Variants in OBSL1 observed in about 807,000 individuals in gnomAD.
The protein encoded by OBSL1 is obscurin like cytoskeletal adaptor 1.
OBSL1 carries 160 observed loss-of-function variants against 172.0 expected under a neutral mutation model. The observed-to-expected ratio is 0.93, with a 90% CI of 0.82 to 1.06. The LOEUF (loss-of-function observed/expected upper bound fraction) is 1.06. Among genes scored for constraint, OBSL1 ranks in the 50% least tolerant of loss-of-function variants. The probability of loss-of-function intolerance (pLI) is 0.00; values close to 1 mark genes in which losing one functional copy is unlikely to be tolerated. For missense variants in OBSL1, 2,681 were observed against 2,715.4 expected (o/e 0.99, Z 0.28); for synonymous variants, 1,200 against 1,196.3 (o/e 1.00, Z -0.06).
chr2:219,552,171 G>A lies in OBSL1; in HGVS notation c.5354C>T (p.Ala1785Val), dbSNP rs761373774. The change falls in exon 19 of 21, where the codon GCC (alanine) becomes GTC (valine). Residue 1785 changes from alanine (A) to valine (V), a missense_variant. Ala to Val is a moderately conservative substitution (Grantham distance 64, BLOSUM62 0). This residue lies in a region of OBSL1 where 1,765 missense variants were observed against 1,748.3 expected (regional missense o/e 1.01). Coordinates refer to ENST00000404537, the MANE Select transcript of OBSL1 (RefSeq NM_015311.3). Reference protein sequence around the residue: ...LVLSELRAEDAGEVRFQAGPA... With the variant: ...LVLSELRAEDVGEVRFQAGPA... Reference sequence around the variant, plus strand: ...CCCCGCCTGGAAGCGGACTTCACCGGCGTCCTCGGCGCGCAGCTCGCTAAG... The same window carrying A: ...CCCCGCCTGGAAGCGGACTTCACCGACGTCCTCGGCGCGCAGCTCGCTAAG... 1.9e-6 allele frequency: 3 copies of A among 1,611,338 alleles called. No homozygotes were observed. The South Asian group carries it at 3.3e-5, about 18-fold the overall frequency.
chr2:219,571,269 GGGGCAGGGGGGGGTGCGGA>G lies in OBSL1; in HGVS notation c.-56_-38del. The G allele has an allele frequency of 8.5e-7, 1 of 1,170,286 alleles. No individual in the cohort carries two copies. 72.5% of individuals were successfully genotyped at this position (1,170,286 alleles called of 1,614,324 possible). Reference sequence around the variant, plus strand: ...ACCGCCTGCAGCGGCGAACGGTGGGGGGGCAGGGGGGGGTGCGGAGGGCGAGCCGAGGCCCGGGGCGGCG... The same window carrying G: ...ACCGCCTGCAGCGGCGAACGGTGGGGGGGCGAGCCGAGGCCCGGGGCGGCG... On this transcript the variant is annotated 5_prime_UTR_variant, in exon 1 of 21. Coordinates refer to ENST00000404537, the MANE Select transcript of OBSL1 (RefSeq NM_015311.3).
At chr2:219,549,848 G>A (rs1259187450), downstream of OBSL1, 4 of 1,613,918 alleles carry the variant, frequency 2.5e-6, no homozygotes, top group South Asian at 1.1e-5. Flanking sequence ...CCCCAGTGCG[G>A]GTATAGCCAT....
intron 8 of OBSL1, chr2:219,561,934 G>T: frequency 2.8e-6 from 2 of 717,510 alleles, no homozygotes; most frequent in East Asian, 2.7e-5. Flanking sequence ...GACCAGAGCC[G>T]CCGGGTCTTC....
At position 219,558,386 on chromosome 2, in the gene OBSL1, C is replaced by G. The variant is rs776494765; in HGVS notation, c.3300G>C (p.Glu1100Asp). 6.2e-7 allele frequency: 1 copy of G among 1,609,022 alleles called. No homozygotes were observed. The change falls in exon 10 of 21, where the codon GAG (glutamate) becomes GAC (aspartate). Residue 1100 changes from glutamate (E) to aspartate (D), a missense_variant. Coordinates refer to ENST00000404537, the MANE Select transcript of OBSL1 (RefSeq NM_015311.3). ...DLHFGAPGRV[E>D]LRCEVAPAGS... ...CAGCTGGGGCCACCTCACAGCGCAGCTCCACGCGCCCTGGAGCCCCAAAAT... is the reference window on the plus strand; with the variant it reads ...CAGCTGGGGCCACCTCACAGCGCAGGTCCACGCGCCCTGGAGCCCCAAAAT...
Position 219,558,274 on chromosome 2 carries a change from G to A in OBSL1, c.3412C>T (p.Leu1138=), listed in dbSNP as rs1487631867. ...QLGAEGPTRT[L]TLPHAQPEDA... is the part of the protein sequence containing the mutation. Reference sequence around the variant, plus strand: ...TCAGGCTGGGCGTGGGGCAGGGTCAGGGTGCGGGTGGGCCCCTCGGCACCC... The same window carrying A: ...TCAGGCTGGGCGTGGGGCAGGGTCAAGGTGCGGGTGGGCCCCTCGGCACCC... The change falls in exon 10 of 21, where the codon CTG becomes TTG. Residue 1138 remains leucine (L), a synonymous_variant. Transcript: ENST00000404537. 1 of 1,611,250 alleles carries A rather than the reference G, an allele frequency of 6.2e-7. No individual in the cohort carries two copies. Among genetic ancestry groups the A allele is most frequent in the South Asian group, 1.1e-5 (1 of 90,522 alleles).
chr2:219,568,616 T>C lies in OBSL1; in HGVS notation c.1013-292A>G, dbSNP rs909261302. ...AGGGAGAGAAGGGGTTGGACCAGAT[T>C]GATGATTTCCAAACTGTTCCCTGGG... On this transcript the variant is annotated intron_variant, in intron 1 of 20. Transcript: ENST00000404537. This position sits in a 1 kb window ranked among gnomAD's most constrained non-coding sequence, Gnocchi z 4.1. Among the ~76,000 whole-genome samples, 2 of 152,262 alleles carry C rather than the reference T, an allele frequency of 1.3e-5. No individual in the cohort carries two copies. The highest frequency in any genetic ancestry group is 2.9e-5 in the Non-Finnish European group (2 of 68,010).
rs768047870 is a variant in OBSL1, at chr2:219,556,301, G to C, written c.4337-9C>G. ...GAACAGCAGCTCTGTCTCTGGTGGG[G>C]AAGAAGGAGGCCATGGAGTCTGGTG... is the stretch of plus-strand genomic sequence containing the variant. On this transcript the variant is annotated splice_polypyrimidine_tract_variant and intron_variant, in intron 13 of 20. Transcript: ENST00000404537. 1 of 1,573,968 alleles carries C rather than the reference G, an allele frequency of 6.4e-7. No individual in the cohort carries two copies. The highest frequency in any genetic ancestry group is 1.2e-5 in the South Asian group (1 of 84,008).
In OBSL1 at chr2:219,560,447, T is replaced by C. The variant is rs146002122; in HGVS notation, c.2954-950A>G. 4.0e-3 allele frequency among the ~76,000 whole-genome samples: 602 copies of C among 152,268 alleles called. 14 individuals are homozygous for C. The East Asian group carries it at 0.073, about 18-fold the overall frequency. ...CTCTGCAGAAAGGGAACCATGTCAA[T>C]ATTAGAGGTGACCAGCGCATGGAGC... On this transcript the variant is annotated intron_variant, in intron 8 of 20. Transcript: ENST00000404537.
chr2:219,567,821 G>A lies in OBSL1; in HGVS notation c.1431C>T (p.Gly477=), dbSNP rs762540891. 2.4e-5 allele frequency: 39 copies of A among 1,613,836 alleles called. No homozygotes were observed. Among genetic ancestry groups the A allele is most frequent in the Non-Finnish European group, 3.1e-5 (37 of 1,179,890 alleles). Residue 477 remains glycine (G), a synonymous_variant, in exon 3 of 21, where the codon GGC becomes GGT. Transcript: ENST00000404537. The stretch of plus-strand genomic sequence containing the variant: ...CTGGAAGGACCAGGGCATGCATGTG[G>A]CCTGAGCTGCTCTGGCAGATGACCG... ...ELPVICQSSS[G]HMHALVLPGV...
intron 9 of OBSL1, 150 bp downstream of exon 9, chr2:219,559,074 GA>G (rs1574543714): frequency 2.8e-6 from 2 of 707,238 alleles, no homozygotes; most frequent in Non-Finnish European, 4.6e-6. Context: ...GTCCTGACCT[GA>G]TGTGGCTAAG....
Position 219,556,874 on chromosome 2 carries a change from G to A in OBSL1, c.4067-151C>T. ...TATCGACCACACCGATGGCCCAAAG[G>A]ACAAGATGCCAGCTCCCTGCCACTC... On this transcript the variant is annotated intron_variant, in intron 12 of 20. Transcript: ENST00000404537. 3 of 825,682 alleles carry A rather than the reference G, an allele frequency of 3.6e-6. No individual in the cohort carries two copies. In the South Asian group the frequency reaches 6.2e-5, roughly 17 times the overall value. 51.1% of individuals were successfully genotyped at this position (825,682 alleles called of 1,614,324 possible). A position where few individuals can be genotyped will look rare whatever the true frequency, so the allele number is the denominator to read the frequency against.
downstream of OBSL1, chr2:219,547,934 C>T (rs951980082): frequency 5.0e-6 from 8 of 1,594,904 alleles, no homozygotes; most frequent in Admixed American, 1.7e-5. Flanking sequence ...ACTGCTGGGG[C>T]GCTACGTGGT....
chr2:219,569,084 A>G (rs997146766), intron 1 of OBSL1: 1 of 151,614 alleles, frequency 6.6e-6, no homozygotes, highest in Admixed American at 6.6e-5. Context: ...TCAAAAAAAA[A>G]AAAAGAAAAG....
rs1381662042 is a variant in OBSL1, at chr2:219,551,544, G to A, written c.5668C>T (p.Arg1890Trp). The change falls in exon 20 of 21, where the codon CGG becomes TGG. Residue 1890 changes from arginine to tryptophan, a missense_variant. Coordinates refer to ENST00000404537, the MANE Select transcript of OBSL1 (RefSeq NM_015311.3). Reference sequence around the variant, plus strand: ...CTTTACTCACCCTCTACCAGCAGCCGTGTGTGGGTGCTGTCCTGGCCGGCC... The same window carrying A: ...CTTTACTCACCCTCTACCAGCAGCCATGTGTGGGTGCTGTCCTGGCCGGCC... The part of the protein sequence containing the change: ...CQAGQDSTHT[R>W]LLVEGN 1.3e-6 allele frequency: 2 copies of A among 1,595,050 alleles called. No homozygotes were observed. Among genetic ancestry groups the A allele is most frequent in the Non-Finnish European group, 1.7e-6 (2 of 1,171,068 alleles).
chr2:219,555,287 G>A (rs1173815819), intron 14 of OBSL1: 1 of 153,876 alleles, frequency 6.5e-6, no homozygotes, highest in Non-Finnish European at 1.4e-5. Context: ...AGAGACACTT[G>A]AGACGGGGAT....
downstream of OBSL1, chr2:219,549,021 G>A: frequency 1.1e-6 from 1 of 930,860 alleles, no homozygotes; most frequent in Non-Finnish European, 1.7e-6. Flanking sequence ...GGAAGTGACA[G>A]GGTGGGAGTA....
chr2:219,556,927 C>T (rs1264937251), intron 12 of OBSL1: 5 of 565,612 alleles, frequency 8.8e-6, no homozygotes, highest in Non-Finnish European at 1.5e-5. Flanking sequence ...ATAATCCTAG[C>T]CTAGCACCCC....
At chr2:219,549,846 C>A (rs775266665), downstream of OBSL1, 1 of 1,613,936 alleles carries the variant, frequency 6.2e-7, no homozygotes, top group Non-Finnish European at 8.5e-7. Flanking sequence ...CCCCCCAGTG[C>A]GGGTATAGCC....
In OBSL1 at chr2:219,571,386, C is replaced by G; in HGVS notation, c.-154G>C. 2.5e-6 allele frequency: 1 copy of G among 401,754 alleles called. No individual in the cohort carries two copies. The allele number at this position is 401,754 out of a possible 1,614,324, so 24.9% of individuals were successfully genotyped here. On this transcript the variant is annotated 5_prime_UTR_variant, in exon 1 of 21. Transcript: ENST00000404537. ...CCCGGGCCTCCCGCTCCCGGCTCGC[C>G]TCCTTACCCTCGGCCCCGAGCTGCA... is the stretch of plus-strand genomic sequence containing the variant.
Sources: gnomAD v4.1 joint callset for allele counts (sites outside exome capture counted in the v4.1 genomes callset) on GRCh38, gnomAD v4.1.1 for gene constraint, gnomAD v4.1.1 regional missense constraint, Gnocchi (gnomAD v3.1) non-coding constraint, MANE v1.5 for transcripts, NCBI Gene and HGNC (gene_info 2026-07-23, HGNC 2026-07-21) for gene names.